The following SLC23A2 variants were observed in gnomAD, a reference collection of about 807,000 sequenced individuals.
SLC23A2 encodes the protein Na(+)/L-ascorbic acid transporter 2.
SLC23A2 carries 36 observed loss-of-function variants against 73.3 expected under a neutral mutation model. That is an observed-to-expected ratio of 0.49 (90% CI 0.38 to 0.65). The LOEUF is 0.65. Among genes scored for constraint, SLC23A2 ranks in the 30% least tolerant of loss-of-function variants. SLC23A2 has a pLI of 0.00. For synonymous variants in SLC23A2, 343 were observed against 327.3 expected (o/e 1.05, Z -0.52); for missense variants, 507 against 841.6 (o/e 0.60, Z 4.92).
chr20:4,983,688 G>A (rs2087769694), intron 1 of SLC23A2, among the ~76,000 whole-genome samples: 1 of 149,302 alleles, frequency 6.7e-6, no homozygotes, highest in East Asian at 2.0e-4. Context: ...GGCCAGGTTC[G>A]GCTCACACCT....
chr20:5,007,775 GA>G (rs1276403164), intron 1 of SLC23A2, among the ~76,000 whole-genome samples: 3 of 152,010 alleles, frequency 2.0e-5, no homozygotes, highest in Non-Finnish European at 4.4e-5. Context: ...GGAATTATAT[GA>G]ATTATATACT....
At chr20:4,971,982 C>G (rs1264332136) in intron 1 of SLC23A2, among the ~76,000 whole-genome samples, 2 of 152,196 alleles carry the variant, frequency 1.3e-5, no homozygotes, top group African/African-American at 2.4e-5. Context: ...TTCTGTTTCT[C>G]AAACTGGGAT....
intron 4 of SLC23A2, among the ~76,000 whole-genome samples, chr20:4,907,682 T>C (rs964733489): frequency 2.6e-5 from 4 of 151,656 alleles, no homozygotes; most frequent in Admixed American, 6.6e-5. Flanking sequence ...AAGACAAATA[T>C]AGGTAAGAGT....
chr20:5,005,453 C>T (rs766724274), upstream of SLC23A2, among the ~76,000 whole-genome samples: 51 of 152,054 alleles, frequency 3.4e-4, no homozygotes, highest in Non-Finnish European at 6.2e-4. Flanking sequence ...ATATCAAGAA[C>T]GTTTCATGAC....
At chr20:4,880,743 GTGCTCA>G (rs373168443) in intron 9 of SLC23A2, among the ~76,000 whole-genome samples, 36 of 151,958 alleles carry the variant, frequency 2.4e-4, no homozygotes, top group African/African-American at 8.7e-4. Flanking sequence ...GCATGCCTGG[GTGCTCA>G]GAGCAAAGGG....
At chr20:5,001,022 CAG>C (rs897103702) in intron 1 of SLC23A2, among the ~76,000 whole-genome samples, 2 of 152,140 alleles carry the variant, frequency 1.3e-5, no homozygotes, top group Non-Finnish European at 2.9e-5. Flanking sequence ...CGCGCGGGCG[CAG>C]AGCCCGGGAG....
intron 3 of SLC23A2, among the ~76,000 whole-genome samples, chr20:4,931,643 C>A (rs1390466442): frequency 2.0e-5 from 3 of 151,932 alleles, no homozygotes; most frequent in Non-Finnish European, 4.4e-5. Context: ...GCTGCACACA[C>A]CTATAGTCCC....
In SLC23A2 at chr20:4,855,448, G is replaced by C. The variant is rs1330998970; in HGVS notation, c.*1524C>G. 1 of 152,230 alleles carries C rather than the reference G, an allele frequency of 6.6e-6. No individual in the cohort carries two copies. Among genetic ancestry groups the C allele is most frequent in the African/African-American group, 2.4e-5 (1 of 41,430 alleles). 9.4% of individuals were successfully genotyped at this position (152,230 alleles called of 1,614,324 possible). ...AGCGAGGGCACTGCTTCCTATCTCA[G>C]GCCTTTTCCTTCACTGAAAAACTTC... On this transcript the variant is annotated 3_prime_UTR_variant, in exon 17 of 17. Coordinates refer to ENST00000338244, the MANE Select transcript of SLC23A2 (RefSeq NM_005116.6).
chr20:4,915,350 A>G (rs1932286322), intron 3 of SLC23A2, among the ~76,000 whole-genome samples: 1 of 152,172 alleles, frequency 6.6e-6, no homozygotes. Context: ...AAAATGGATA[A>G]TTTAAAAAAA....
chr20:4,880,972 G>A (rs1024048626), intron 9 of SLC23A2, among the ~76,000 whole-genome samples: 3 of 152,250 alleles, frequency 2.0e-5, no homozygotes, highest in Non-Finnish European at 4.4e-5. Context: ...GGCGAGCAAG[G>A]CTCGCAGAGG....
At chr20:4,997,480 C>T (rs971982084) in intron 1 of SLC23A2, among the ~76,000 whole-genome samples, 1 of 152,130 alleles carries the variant, frequency 6.6e-6, no homozygotes, top group African/African-American at 2.4e-5. Flanking sequence ...AAGCCCTCTG[C>T]TATGAACTCA....
intron 6 of SLC23A2, among the ~76,000 whole-genome samples, chr20:4,895,763 G>A (rs764282096): frequency 3.9e-5 from 6 of 152,144 alleles, no homozygotes; most frequent in African/African-American, 9.7e-5. Flanking sequence ...ATGGCCATGC[G>A]TCCAGCTCTG....
chr20:4,943,121 AG>A (rs1207875121), intron 2 of SLC23A2, among the ~76,000 whole-genome samples: 6 of 115,990 alleles, frequency 5.2e-5, no homozygotes, highest in Admixed American at 2.4e-4. Context: ...GCTCTTTACA[AG>A]GAAGTACACA....
chr20:4,949,428 G>A (rs2087165848), intron 2 of SLC23A2, among the ~76,000 whole-genome samples: 1 of 151,954 alleles, frequency 6.6e-6, no homozygotes, highest in Non-Finnish European at 1.5e-5. Context: ...ATAAGCACCT[G>A]AAAAACACAG....
chr20:4,941,855 T>C (rs2122963352), intron 2 of SLC23A2, among the ~76,000 whole-genome samples: 1 of 152,058 alleles, frequency 6.6e-6, no homozygotes, highest in East Asian at 1.9e-4. Context: ...GCAATATATA[T>C]AATGAAAAAG....
intron 4 of SLC23A2, among the ~76,000 whole-genome samples, chr20:4,907,620 T>A (rs1932003229): frequency 6.6e-6 from 1 of 152,060 alleles, no homozygotes. Context: ...GATAGTTTTT[T>A]AAAACTCAAC....
intron 1 of SLC23A2, among the ~76,000 whole-genome samples, chr20:4,976,703 G>A (rs1303734897): frequency 4.6e-5 from 7 of 151,808 alleles, no homozygotes; most frequent in Non-Finnish European, 7.4e-5. Context: ...TGCCGGGCAC[G>A]GTGACTCATG....
chr20:4,917,645 C>T (rs1051731378), intron 3 of SLC23A2, among the ~76,000 whole-genome samples: 2 of 152,172 alleles, frequency 1.3e-5, no homozygotes, highest in Non-Finnish European at 2.9e-5. Context: ...TACTACTGAC[C>T]TAGAAAACCT....
intron 2 of SLC23A2, among the ~76,000 whole-genome samples, chr20:4,937,709 T>C (rs1165529345): frequency 6.6e-6 from 1 of 152,222 alleles, no homozygotes; most frequent in Non-Finnish European, 1.5e-5. Flanking sequence ...TTACACTGTT[T>C]ATACAAGACA....
Sources: allele counts gnomAD v4.1 joint callset (sites outside exome capture counted in the v4.1 genomes callset), GRCh38; gene constraint gnomAD v4.1.1; transcripts MANE v1.5; gene names NCBI Gene and HGNC (gene_info 2026-07-23, HGNC 2026-07-21).